The following SH3GL2 variants were observed in gnomAD, a reference collection of about 807,000 sequenced individuals.
The protein encoded by SH3GL2 is endophilin-A1.
Under a neutral mutation model 46.0 loss-of-function variants are expected in SH3GL2, and 24 were observed. The observed-to-expected ratio is 0.52, with a 90% CI of 0.38 to 0.73. SH3GL2 has a LOEUF of 0.73. Among genes scored for constraint, SH3GL2 ranks in the 30% least tolerant of loss-of-function variants. SH3GL2 has a pLI of 0.00. For missense variants in SH3GL2, 413 were observed against 424.2 expected (o/e 0.97, Z 0.23); for synonymous variants, 196 against 147.1 (o/e 1.33, Z -2.40).
chr9:17,695,460 T>C (rs746502555), intron 1 of SH3GL2, among the ~76,000 whole-genome samples: 4 of 152,124 alleles, frequency 2.6e-5, no homozygotes, highest in African/African-American at 4.8e-5. Flanking sequence ...AAGTGGATTA[T>C]TTTCCCTGAG....
In SH3GL2 at chr9:17,784,225, A is replaced by G. The variant is rs908798917; in HGVS notation, c.188-2156A>G. Among the ~76,000 whole-genome samples the G allele has an allele frequency of 3.9e-5, 6 of 152,288 alleles. 1 individual carries two copies. The highest frequency in any genetic ancestry group is 6.5e-5 in the Admixed American group (1 of 15,298). On this transcript the variant is annotated intron_variant, in intron 3 of 8. Transcript: ENST00000380607. ...TATCCAAGATACTCTTAGTAAAAGA[A>G]TAAAGCTCTTCATAATTGAACAACA...
chr9:17,792,088 A>T (rs1294016893), intron 7 of SH3GL2, among the ~76,000 whole-genome samples: 1 of 152,192 alleles, frequency 6.6e-6, no homozygotes, highest in Non-Finnish European at 1.5e-5. Flanking sequence ...CTTTTTTCTT[A>T]GGCCACATGG....
At chr9:17,694,009 C>T (rs1465210142) in intron 1 of SH3GL2, among the ~76,000 whole-genome samples, 1 of 152,022 alleles carries the variant, frequency 6.6e-6, no homozygotes, top group African/African-American at 2.4e-5. Flanking sequence ...TCTTCCATGC[C>T]TAATAATATT....
intron 1 of SH3GL2, among the ~76,000 whole-genome samples, chr9:17,608,824 G>C (rs899611943): frequency 2.0e-5 from 3 of 152,194 alleles, no homozygotes; most frequent in African/African-American, 7.2e-5. Flanking sequence ...CGTACAAGTG[G>C]AAACAATTTA....
intron 1 of SH3GL2, among the ~76,000 whole-genome samples, chr9:17,694,565 A>T (rs1821158745): frequency 6.6e-6 from 1 of 152,190 alleles, no homozygotes; most frequent in South Asian, 2.1e-4. Context: ...ATAAAATGTC[A>T]TTATTTTTCC....
At chr9:17,734,537 A>G (rs1246084819) in intron 1 of SH3GL2, among the ~76,000 whole-genome samples, 1 of 152,134 alleles carries the variant, frequency 6.6e-6, no homozygotes, top group African/African-American at 2.4e-5. Flanking sequence ...TTTTCAACCT[A>G]GTAAGTAGCA....
At chr9:17,742,074 T>TCAGGGAAAAAAA (rs1822542223) in intron 1 of SH3GL2, among the ~76,000 whole-genome samples, 2 of 152,070 alleles carry the variant, frequency 1.3e-5, no homozygotes, top group Admixed American at 1.3e-4. Flanking sequence ...TCAGGGAAAT[T>TCAGGGAAAAAAA]AAGAGGTAAA....
intron 7 of SH3GL2, among the ~76,000 whole-genome samples, chr9:17,792,707 TG>T (rs1334250393): frequency 6.6e-6 from 1 of 152,208 alleles, no homozygotes; most frequent in African/African-American, 2.4e-5. Flanking sequence ...ACAGCTCCTG[TG>T]TATCTTTTAG....
intron 1 of SH3GL2, among the ~76,000 whole-genome samples, chr9:17,714,982 G>C (rs537465454): frequency 5.9e-5 from 9 of 151,456 alleles, no homozygotes; most frequent in Non-Finnish European, 1.3e-4. Context: ...TTTTTGGAAG[G>C]TGTTTTCACA....
intron 1 of SH3GL2, among the ~76,000 whole-genome samples, chr9:17,614,737 A>G (rs372808529): frequency 5.2e-4 from 79 of 152,208 alleles, no homozygotes; most frequent in African/African-American, 1.9e-3. Flanking sequence ...CTAAAGTTCT[A>G]CAGCTGAGAG....
chr9:17,615,874 T>G (rs2134590301), intron 1 of SH3GL2, among the ~76,000 whole-genome samples: 1 of 152,300 alleles, frequency 6.6e-6, no homozygotes. Context: ...GCTGATTAAT[T>G]TGCTCTAGCA....
chr9:17,669,062 C>T (rs1820409976), intron 1 of SH3GL2, among the ~76,000 whole-genome samples: 1 of 152,224 alleles, frequency 6.6e-6, no homozygotes, highest in African/African-American at 2.4e-5. Flanking sequence ...ACTTCAAAGT[C>T]CGTTTCTCTG....
chr9:17,591,501 C>G (rs1408726513), intron 1 of SH3GL2, among the ~76,000 whole-genome samples: 1 of 151,974 alleles, frequency 6.6e-6, no homozygotes, highest in Non-Finnish European at 1.5e-5. Flanking sequence ...AATTGCTTGT[C>G]ACATTATTTC....
intron 1 of SH3GL2, among the ~76,000 whole-genome samples, chr9:17,647,929 C>G (rs1371848592): frequency 6.6e-6 from 1 of 152,186 alleles, no homozygotes; most frequent in East Asian, 1.9e-4. Flanking sequence ...CCTTCCTCTT[C>G]CACCTCAGCC....
chr9:17,641,398 A>G (rs1211526209), intron 1 of SH3GL2, among the ~76,000 whole-genome samples: 1 of 152,190 alleles, frequency 6.6e-6, no homozygotes, highest in Non-Finnish European at 1.5e-5. Context: ...AAGAAATGAA[A>G]TATTTGTCCA....
At chr9:17,666,839 T>C (rs1290090209) in intron 1 of SH3GL2, among the ~76,000 whole-genome samples, 1 of 152,090 alleles carries the variant, frequency 6.6e-6, no homozygotes, top group Non-Finnish European at 1.5e-5. Context: ...CAAATTCCCA[T>C]CCATAAAGGC....
chr9:17,771,543 G>GA (rs1257617972), intron 3 of SH3GL2, among the ~76,000 whole-genome samples: 8 of 152,212 alleles, frequency 5.3e-5, no homozygotes, highest in African/African-American at 1.9e-4. Flanking sequence ...GAAAACCTGA[G>GA]AAAGCAAAGG....
intron 1 of SH3GL2, among the ~76,000 whole-genome samples, chr9:17,714,440 C>T (rs1821702902): frequency 6.6e-6 from 1 of 151,530 alleles, no homozygotes; most frequent in South Asian, 2.1e-4. Context: ...TTATTCATTT[C>T]CTTTGTTTTT....
At chr9:17,692,542 G>A (rs964245802) in intron 1 of SH3GL2, among the ~76,000 whole-genome samples, 17 of 151,916 alleles carry the variant, frequency 1.1e-4, no homozygotes, top group Admixed American at 9.2e-4. Context: ...GCTACTGGGA[G>A]GCTGAGGCAG....
Sources: gnomAD v4.1 joint callset for allele counts (sites outside exome capture counted in the v4.1 genomes callset) on GRCh38, gnomAD v4.1.1 for gene constraint, MANE v1.5 for transcripts, NCBI Gene and HGNC (gene_info 2026-07-23, HGNC 2026-07-21) for gene names.